The following RBFOX1 variants were observed in gnomAD, a reference collection of about 807,000 sequenced individuals.
RBFOX1 encodes the protein RNA binding protein fox-1 homolog 1.
A neutral mutation model predicts 57.7 loss-of-function variants in RBFOX1; 8 were observed. The ratio of observed to expected loss-of-function variants is 0.14; its 90% CI spans 0.08 to 0.25. RBFOX1 has a LOEUF of 0.25. Among genes scored for constraint, RBFOX1 ranks in the 10% least tolerant of loss-of-function variants. RBFOX1 has a pLI of 1.00. For synonymous variants in RBFOX1, 326 were observed against 222.4 expected (o/e 1.47, Z -4.15); for missense variants, 611 against 548.5 (o/e 1.11, Z -1.14).
chr16:5,784,679 G>T (rs548353146), intron 3 of RBFOX1, among the ~76,000 whole-genome samples: 16 of 152,146 alleles, frequency 1.1e-4, no homozygotes, highest in Non-Finnish European at 2.4e-4. Flanking sequence ...GACACAGATC[G>T]AAATCATGTC....
At chr16:7,646,290 A>G (rs575936202) in intron 11 of RBFOX1, among the ~76,000 whole-genome samples, 1 of 152,282 alleles carries the variant, frequency 6.6e-6, no homozygotes, top group East Asian at 1.9e-4. Flanking sequence ...TCGCCTCAGT[A>G]TGTTACCTAT....
chr16:6,970,143 A>G (rs996507192), intron 3 of RBFOX1, among the ~76,000 whole-genome samples: 9 of 152,022 alleles, frequency 5.9e-5, no homozygotes, highest in African/African-American at 1.7e-4. Context: ...GTGTCACTGC[A>G]TTCCAGCCTG....
intron 3 of RBFOX1, among the ~76,000 whole-genome samples, chr16:6,977,937 G>GAAAAAAAAAAAAAA (rs1555705863): frequency 3.8e-5 from 3 of 79,470 alleles, no homozygotes; most frequent in African/African-American, 1.3e-4. Flanking sequence ...CCTCCCCAGG[G>GAAAAAAAAAAAAAA]AAAAAAAAAA....
intron 4 of RBFOX1, among the ~76,000 whole-genome samples, chr16:5,979,928 C>T (rs2060138886): frequency 6.6e-6 from 1 of 152,166 alleles, no homozygotes; most frequent in African/African-American, 2.4e-5. Flanking sequence ...TGGTCACTCA[C>T]ACAGGTAGGA....
At chr16:6,862,503 C>T (rs1324849568) in intron 3 of RBFOX1, among the ~76,000 whole-genome samples, 1 of 152,234 alleles carries the variant, frequency 6.6e-6, no homozygotes, top group Non-Finnish European at 1.5e-5. Context: ...AACAGCTCTG[C>T]CTTGCCCAGG....
At chr16:5,507,901 G>C (rs2043433916) in intron 2 of RBFOX1, among the ~76,000 whole-genome samples, 1 of 152,140 alleles carries the variant, frequency 6.6e-6, no homozygotes, top group African/African-American at 2.4e-5. Flanking sequence ...CTCCATCTTA[G>C]AGTTCTGCCC....
intron 1 of RBFOX1, among the ~76,000 whole-genome samples, chr16:6,107,573 A>G (rs1226311792): frequency 1.3e-5 from 2 of 152,104 alleles, no homozygotes; most frequent in Admixed American, 1.3e-4. Context: ...AGATGCTTTC[A>G]GTACAGGATT....
chr16:6,229,477 A>T (rs1420027), intron 1 of RBFOX1, among the ~76,000 whole-genome samples: 1 of 152,132 alleles, frequency 6.6e-6, no homozygotes, highest in African/African-American at 2.4e-5. Flanking sequence ...AAAGCCCACA[A>T]TGATGTTTGT....
At chr16:6,856,207 G>A (rs952310318) in intron 3 of RBFOX1, among the ~76,000 whole-genome samples, 2 of 151,240 alleles carry the variant, frequency 1.3e-5, no homozygotes, top group African/African-American at 2.4e-5. Flanking sequence ...ACCAGATACT[G>A]TGCCAGCCAC....
intron 3 of RBFOX1, chr16:6,705,600 C>T (rs1019254): frequency 2.6e-5 from 4 of 151,940 alleles, no homozygotes; most frequent in Admixed American, 6.6e-5. Flanking sequence ...TTTTAGGACT[C>T]AGCTATGAAA....
intron 3 of RBFOX1, among the ~76,000 whole-genome samples, chr16:6,905,333 C>T (rs2069576548): frequency 6.6e-6 from 1 of 151,944 alleles, no homozygotes; most frequent in South Asian, 2.1e-4. Flanking sequence ...GCAGGTGGAT[C>T]CCCTGAGGTT....
At chr16:6,415,724 A>G (rs942386553) in intron 2 of RBFOX1, among the ~76,000 whole-genome samples, 1 of 152,050 alleles carries the variant, frequency 6.6e-6, no homozygotes, top group Non-Finnish European at 1.5e-5. Flanking sequence ...AACAAACAGA[A>G]CAAAACAGGA....
At chr16:6,379,970 C>G (rs1440842043) in intron 2 of RBFOX1, among the ~76,000 whole-genome samples, 2 of 152,172 alleles carry the variant, frequency 1.3e-5, no homozygotes, top group African/African-American at 4.8e-5. Flanking sequence ...GCAGTGTTCC[C>G]AAGGGAGAGA....
intron 4 of RBFOX1, among the ~76,000 whole-genome samples, chr16:7,410,600 C>A (rs1017398162): frequency 6.6e-6 from 1 of 152,180 alleles, no homozygotes; most frequent in Non-Finnish European, 1.5e-5. Flanking sequence ...TCACTTGAAC[C>A]CAGAAGGCAG....
chr16:7,024,896 C>T (rs2040428380), intron 3 of RBFOX1, among the ~76,000 whole-genome samples: 2 of 152,232 alleles, frequency 1.3e-5, no homozygotes, highest in African/African-American at 2.4e-5. Context: ...TAGAAGTCAC[C>T]TGCTGCACTC....
chr16:6,010,568 A>C (rs911188187), intron 4 of RBFOX1, among the ~76,000 whole-genome samples: 5 of 152,094 alleles, frequency 3.3e-5, no homozygotes, highest in African/African-American at 1.2e-4. Context: ...TACTTATCTC[A>C]TGGTCGACTT....
intron 3 of RBFOX1, among the ~76,000 whole-genome samples, chr16:6,695,238 G>A (rs939844295): frequency 3.3e-5 from 5 of 151,890 alleles, no homozygotes; most frequent in Admixed American, 2.6e-4. Context: ...TGGCCAACAG[G>A]GTGAAACTCC....
intron 3 of RBFOX1, among the ~76,000 whole-genome samples, chr16:6,746,377 A>T (rs1188982159): frequency 6.6e-6 from 1 of 152,202 alleles, no homozygotes; most frequent in Non-Finnish European, 1.5e-5. Context: ...GAAAGCTACA[A>T]TAATCAAGAA....
chr16:6,606,460 C>T, intron 2 of RBFOX1, among the ~76,000 whole-genome samples: 1 of 152,112 alleles, frequency 6.6e-6, no homozygotes, highest in Non-Finnish European at 1.5e-5. Flanking sequence ...ACCTATCAAC[C>T]CATCACCTAG....
Sources: gnomAD v4.1 joint callset for allele counts (sites outside exome capture counted in the v4.1 genomes callset) on GRCh38, gnomAD v4.1.1 for gene constraint, MANE v1.5 for transcripts, NCBI Gene and HGNC (gene_info 2026-07-23, HGNC 2026-07-21) for gene names.